The following ITGA8 variants were observed in gnomAD, a reference collection of about 807,000 sequenced individuals.
The protein encoded by ITGA8 is integrin subunit alpha 8.
A neutral mutation model predicts 142.3 loss-of-function variants in ITGA8; 91 were observed. The ratio of observed to expected loss-of-function variants is 0.64; its 90% CI spans 0.54 to 0.76. ITGA8 has a LOEUF of 0.76. Ranked by LOEUF, ITGA8 falls within the 30% of genes least tolerant of loss-of-function variation. ITGA8 has a pLI of 0.00. For missense variants in ITGA8, 1,406 were observed against 1,327.7 expected (o/e 1.06, Z -0.92); for synonymous variants, 505 against 485.2 (o/e 1.04, Z -0.54).
At chr10:15,664,688 C>G (rs1442289627) in intron 8 of ITGA8, among the ~76,000 whole-genome samples, 1 of 146,466 alleles carries the variant, frequency 6.8e-6, no homozygotes, top group Non-Finnish European at 1.5e-5. Context: ...CACAACAGTC[C>G]CCAGTGTGTG....
At chr10:15,632,814 T>C (rs1305115730) in intron 13 of ITGA8, among the ~76,000 whole-genome samples, 3 of 152,200 alleles carry the variant, frequency 2.0e-5, no homozygotes, top group South Asian at 2.1e-4. Context: ...GTTAACGATA[T>C]ATAGACAGTG....
At chr10:15,691,281 G>A (rs1463178112) in intron 2 of ITGA8, among the ~76,000 whole-genome samples, 1 of 152,148 alleles carries the variant, frequency 6.6e-6, no homozygotes, top group Non-Finnish European at 1.5e-5. Flanking sequence ...AAACATTAAA[G>A]GAAGTTCCTC....
intron 23 of ITGA8, among the ~76,000 whole-genome samples, chr10:15,580,516 A>T (rs775057692): frequency 2.1e-4 from 32 of 152,178 alleles, no homozygotes; most frequent in Non-Finnish European, 4.1e-4. Context: ...ACGAACGTAG[A>T]TGTAAAAGTC....
In ITGA8 at chr10:15,688,302, CAAA is replaced by C. The variant is rs35060475; in HGVS notation, c.344-267_344-265del. On this transcript the variant is annotated intron_variant, in intron 2 of 29. Transcript: ENST00000378076. ...AAACCCTGTCTCTACCAAAAAATAC[CAAA>C]AAAAAAAAAAAAAAAAAATGCTGGG... Among the ~76,000 whole-genome samples, 789 of 112,772 alleles carry C rather than the reference CAAA, an allele frequency of 7.0e-3. 8 individuals are homozygous for C. Among genetic ancestry groups the C allele is most frequent in the African/African-American group, 0.027 (757 of 28,206 alleles). The allele number at this position is 112,772 out of a possible 152,430, so 74.0% of individuals were successfully genotyped here.
intron 23 of ITGA8, among the ~76,000 whole-genome samples, chr10:15,582,534 G>A (rs1195646125): frequency 6.6e-6 from 1 of 152,154 alleles, no homozygotes; most frequent in Non-Finnish European, 1.5e-5. Context: ...CACATATTTG[G>A]TAAATGGCTT....
At position 15,558,122 on chromosome 10, in the gene ITGA8, C is replaced by A; in HGVS notation, c.2718G>T (p.Arg906Ser). The A allele has an allele frequency of 6.2e-7, 1 of 1,614,158 alleles. No homozygotes were observed. The highest frequency in any genetic ancestry group is 8.5e-7 in the Non-Finnish European group (1 of 1,180,034). The change falls in exon 26 of 30, where the codon AGG (arginine) becomes AGT (serine). Residue 906 changes from arginine (R) to serine (S), a missense_variant. Transcript: ENST00000378076. ...TGTGGAATTCGACCACATGTACATC[C>A]CTCTTCCTGACAAGATGAGGAATAG... ...NSTIPHLVRK[R>S]DVHVVEFHRQ...
chr10:15,719,690 C>A lies in ITGA8; in HGVS notation c.82G>T (p.Gly28Trp), dbSNP rs764805764. 3 of 1,468,292 alleles carry A rather than the reference C, an allele frequency of 2.0e-6. No homozygotes were observed. Among genetic ancestry groups the A allele is most frequent in the Admixed American group, 3.0e-5 (1 of 33,336 alleles). 91.0% of individuals were successfully genotyped at this position (1,468,292 alleles called of 1,614,324 possible). The change falls in exon 1 of 30, where the codon GGG becomes TGG. Residue 28 changes from glycine (G) to tryptophan (W), a missense_variant. Transcript: ENST00000378076. Reference protein sequence around the residue: ...APLCCAAAALGMLLWSPACQA... With the variant: ...APLCCAAAALWMLLWSPACQA... ...CAGGCGGGGGACCACAGCAACATCC[C>A]CAGCGCGGCCGCGGCGCAGCAGAGG...
At chr10:15,524,436 T>C (rs1176184110) in intron 28 of ITGA8, among the ~76,000 whole-genome samples, 1 of 152,200 alleles carries the variant, frequency 6.6e-6, no homozygotes, top group Non-Finnish European at 1.5e-5. Flanking sequence ...TGATTCAGTG[T>C]TCAGACATAT....
At chr10:15,680,188 T>G (rs937147826) in intron 4 of ITGA8, among the ~76,000 whole-genome samples, 1 of 149,104 alleles carries the variant, frequency 6.7e-6, no homozygotes, top group African/African-American at 2.5e-5. Flanking sequence ...GTTTTAGCGC[T>G]GTCACCATCA....
In ITGA8 at chr10:15,597,249, C is replaced by T. The variant is rs1833024876; in HGVS notation, c.2169G>A (p.Met723Ile). ...CEYKMENVTR[M>I]VVCDLGNPMV... ...TAGGGTTCCCAAGGTCACACACCAC[C>T]ATCCTGGTTACATTTTCCATCTTGT... The change falls in exon 21 of 30, where the codon ATG becomes ATA. Residue 723 changes from methionine to isoleucine, a missense_variant. Transcript: ENST00000378076. 1 of 1,613,940 alleles carries T rather than the reference C, an allele frequency of 6.2e-7. No individual in the cohort carries two copies. The highest frequency in any genetic ancestry group is 1.7e-5 in the Admixed American group (1 of 59,984).
chr10:15,689,428 C>A lies in ITGA8; in HGVS notation c.344-1390G>T, dbSNP rs76214200. Among the ~76,000 whole-genome samples, 17 of 152,266 alleles carry A rather than the reference C, an allele frequency of 1.1e-4. No individual in the cohort carries two copies. The East Asian group carries it at 3.1e-3, about 28-fold the overall frequency. On this transcript the variant is annotated intron_variant, in intron 2 of 29. Transcript: ENST00000378076. Reference sequence around the variant, plus strand: ...CGCCTCCACCATTTCATCTCCTAAGCCAGGATGAACTCAGAACCAGGAAGG... The same window carrying A: ...CGCCTCCACCATTTCATCTCCTAAGACAGGATGAACTCAGAACCAGGAAGG...
intron 27 of ITGA8, among the ~76,000 whole-genome samples, chr10:15,531,539 T>C (rs1460455231): frequency 6.6e-6 from 1 of 152,232 alleles, no homozygotes; most frequent in Admixed American, 6.5e-5. Context: ...GCAAAGAATT[T>C]ATATAGTTAC....
At chr10:15,627,423 G>A (rs1193120951) in intron 13 of ITGA8, among the ~76,000 whole-genome samples, 1 of 152,152 alleles carries the variant, frequency 6.6e-6, no homozygotes, top group South Asian at 2.1e-4. Context: ...TCTGGCTTAC[G>A]CTGGCTATCT....
At chr10:15,538,881 GACA>G (rs1179852719) in intron 27 of ITGA8, among the ~76,000 whole-genome samples, 2 of 150,740 alleles carry the variant, frequency 1.3e-5, no homozygotes, top group African/African-American at 4.9e-5. Flanking sequence ...TTGAACTCAG[GACA>G]ACTTGTATTT....
intron 11 of ITGA8, among the ~76,000 whole-genome samples, chr10:15,650,501 C>G (rs1458726935): frequency 6.6e-6 from 1 of 152,164 alleles, no homozygotes; most frequent in African/African-American, 2.4e-5. Flanking sequence ...TTGCCCCCCT[C>G]AACATGTGAT....
intron 2 of ITGA8, among the ~76,000 whole-genome samples, chr10:15,698,062 C>G (rs1051721478): frequency 2.6e-5 from 4 of 152,156 alleles, no homozygotes; most frequent in Admixed American, 2.0e-4. Flanking sequence ...TCACCCCTTT[C>G]CCACCCTTTC....
Position 15,589,567 on chromosome 10 carries a change from T to C in ITGA8, c.2291+2658A>G, listed in dbSNP as rs368919062. On this transcript the variant is annotated intron_variant, in intron 22 of 29. Transcript: ENST00000378076. ...TAAATGCAGGTCATGGCAGTCAATA[T>C]ATGCCTGTAAGAGTTTAGACTTCAG... Among the ~76,000 whole-genome samples the C allele has an allele frequency of 2.2e-4, 33 of 152,328 alleles. No individual in the cohort carries two copies. The East Asian group carries it at 3.3e-3, about 15-fold the overall frequency.
chr10:15,567,632 A>G (rs1834102592), intron 25 of ITGA8, among the ~76,000 whole-genome samples: 3 of 152,232 alleles, frequency 2.0e-5, no homozygotes, highest in African/African-American at 7.2e-5. Flanking sequence ...CCGGAGAAAC[A>G]GGAACTCAAA....
At chr10:15,559,167 C>T (rs560094067) in intron 25 of ITGA8, among the ~76,000 whole-genome samples, 197 of 152,340 alleles carry the variant, frequency 1.3e-3, no homozygotes, top group African/African-American at 4.5e-3. Context: ...AACAGAAGGA[C>T]GGAGTCCAGA....
Sources: gnomAD v4.1 joint callset for allele counts (sites outside exome capture counted in the v4.1 genomes callset) on GRCh38, gnomAD v4.1.1 for gene constraint, MANE v1.5 for transcripts, NCBI Gene and HGNC (gene_info 2026-07-23, HGNC 2026-07-21) for gene names.